ANKS1B: variants seen among roughly 807,000 people sequenced by gnomAD.
The protein encoded by ANKS1B is ankyrin repeat and sterile alpha motif domain-containing protein 1B.
Under a neutral mutation model 148.3 loss-of-function variants are expected in ANKS1B, and 36 were observed. That is an observed-to-expected ratio of 0.24 (90% CI 0.19 to 0.32). The LOEUF (loss-of-function observed/expected upper bound fraction) is 0.32. Among genes scored for constraint, ANKS1B ranks in the 10% least tolerant of loss-of-function variants. The pLI is 1.00. For missense variants in ANKS1B, 1,157 were observed against 1,542.6 expected, an observed-to-expected ratio of 0.75 and a Z score of 4.19; for synonymous variants, 542 against 560.8, an observed-to-expected ratio of 0.97 and a Z score of 0.47.
At chr12:99,333,019 A>G (rs1336808154) in intron 12 of ANKS1B, among the ~76,000 whole-genome samples, 5 of 152,092 alleles carry the variant, frequency 3.3e-5, no homozygotes, top group Non-Finnish European at 7.4e-5. Flanking sequence ...AAGGTTTTCC[A>G]GTAAGGCAAT....
intron 1 of ANKS1B, among the ~76,000 whole-genome samples, chr12:99,852,575 G>A (rs952028770): frequency 6.6e-6 from 1 of 152,184 alleles, no homozygotes; most frequent in South Asian, 2.1e-4. Flanking sequence ...GAGAAAAACA[G>A]GAGAAAAAAT....
At chr12:99,484,373 G>A (rs924164528) in intron 10 of ANKS1B, among the ~76,000 whole-genome samples, 3 of 151,658 alleles carry the variant, frequency 2.0e-5, no homozygotes, top group Admixed American at 6.6e-5. Context: ...TTATGATTTC[G>A]ATTTTTAAAA....
chr12:99,246,748 G>A lies in ANKS1B; in HGVS notation c.1873C>T (p.Leu625Phe), dbSNP rs768853377. Residue 625 changes from leucine to phenylalanine, a missense_variant, in exon 13 of 27, where the codon CTC becomes TTC. Coordinates refer to ENST00000683438, the MANE Select transcript of ANKS1B (RefSeq NM_001352186.2). ...TCACATTGTTCTCTTTTCCCATAGA[G>A]ATGAAATGGATTTTCAGGGGACTCA... The part of the protein sequence containing the change: ...ACESPENPFH[L>F]YGKREQCEKG... 2.5e-6 allele frequency: 4 copies of A among 1,613,832 alleles called. No homozygotes were observed. Among genetic ancestry groups the A allele is most frequent in the Admixed American group, 1.7e-5 (1 of 59,990 alleles).
chr12:99,154,377 T>C lies in ANKS1B; in HGVS notation c.2438A>G (p.Gln813Arg). ...GETTRPRCPV[Q>R]TVGQWLESIG... ...GCTTTCCAACCATTGTCCCACTGTT[T>C]GGACAGGGCATCTGGGTCCTGTAAG... is the stretch of plus-strand genomic sequence containing the variant. The change falls in exon 15 of 27, where the codon CAA becomes CGA. Residue 813 changes from glutamine to arginine, a missense_variant. Physicochemically the swap from Gln to Arg is conservative, Grantham distance 43. This residue lies in a region of ANKS1B where 258 missense variants were observed against 497.0 expected (regional missense o/e 0.52). Coordinates refer to ENST00000683438, the MANE Select transcript of ANKS1B (RefSeq NM_001352186.2). 1 of 1,613,776 alleles carries C rather than the reference T, an allele frequency of 6.2e-7. No individual in the cohort carries two copies. Among genetic ancestry groups the C allele is most frequent in the Non-Finnish European group, 8.5e-7 (1 of 1,179,744 alleles).
At chr12:99,433,544 A>G (rs2095413228) in intron 11 of ANKS1B, among the ~76,000 whole-genome samples, 1 of 152,136 alleles carries the variant, frequency 6.6e-6, no homozygotes, top group South Asian at 2.1e-4. Context: ...GATGGAATGG[A>G]TCTGAGGTGT....
intron 9 of ANKS1B, among the ~76,000 whole-genome samples, chr12:99,527,290 A>G (rs1438751513): frequency 1.3e-5 from 2 of 152,238 alleles, no homozygotes; most frequent in African/African-American, 4.8e-5. Context: ...GGAAAAAAAT[A>G]ACAATTAGGG....
intron 9 of ANKS1B, among the ~76,000 whole-genome samples, chr12:99,590,466 A>T (rs2097691751): frequency 1.3e-5 from 2 of 152,106 alleles, no homozygotes; most frequent in African/African-American, 4.8e-5. Context: ...GATGGTAGAG[A>T]TCCTATTTCT....
At chr12:99,176,007 C>T (rs146927176) in intron 14 of ANKS1B, among the ~76,000 whole-genome samples, 36 of 152,126 alleles carry the variant, frequency 2.4e-4, no homozygotes, top group Middle Eastern at 3.4e-3. Flanking sequence ...TCACCATGCC[C>T]GGCTAATTTT....
intron 1 of ANKS1B, among the ~76,000 whole-genome samples, chr12:99,961,978 T>C (rs2095418045): frequency 6.6e-6 from 1 of 152,210 alleles, no homozygotes; most frequent in African/African-American, 2.4e-5. Flanking sequence ...GAAAACAAGA[T>C]GTTAAGAAAA....
At chr12:98,807,763 T>G in intron 20 of ANKS1B, 81 bp downstream of exon 20, 2 of 1,200,366 alleles carry the variant, frequency 1.7e-6, no homozygotes, top group Non-Finnish European at 2.4e-6. Context: ...CAGGACACAG[T>G]ACCTATAGCT....
chr12:99,399,560 C>G (rs2094347623), intron 12 of ANKS1B, 71 bp downstream of exon 12: 1 of 1,518,902 alleles, frequency 6.6e-7, no homozygotes, highest in Non-Finnish European at 9.0e-7. Flanking sequence ...AAGACTCCTC[C>G]TAATTCCTCT....
intron 12 of ANKS1B, among the ~76,000 whole-genome samples, chr12:99,331,643 G>A (rs1324377031): frequency 6.6e-6 from 1 of 151,938 alleles, no homozygotes; most frequent in African/African-American, 2.4e-5. Flanking sequence ...CCTTTGTAGG[G>A]GTGAATGTGG....
intron 17 of ANKS1B, among the ~76,000 whole-genome samples, chr12:98,882,915 T>G (rs1234283534): frequency 6.6e-6 from 1 of 152,182 alleles, no homozygotes; most frequent in Non-Finnish European, 1.5e-5. Flanking sequence ...TAATGAAAAC[T>G]GTAAAGATTT....
chr12:98,764,032 G>A (rs1268129960), intron 25 of ANKS1B, among the ~76,000 whole-genome samples: 1 of 152,176 alleles, frequency 6.6e-6, no homozygotes, highest in Non-Finnish European at 1.5e-5. Context: ...ACAGCCTAAG[G>A]TGGCTGGCCA....
intron 25 of ANKS1B, among the ~76,000 whole-genome samples, chr12:98,763,587 G>A (rs533151290): frequency 6.6e-6 from 1 of 152,228 alleles, no homozygotes; most frequent in African/African-American, 2.4e-5. Flanking sequence ...ATAAAATTCA[G>A]CTGTGAAATT....
chr12:98,958,917 T>C (rs901546766), intron 17 of ANKS1B, among the ~76,000 whole-genome samples: 2 of 152,342 alleles, frequency 1.3e-5, no homozygotes, highest in Admixed American at 1.3e-4. Flanking sequence ...AGGGAGACTA[T>C]CTTGATTATG....
intron 9 of ANKS1B, among the ~76,000 whole-genome samples, chr12:99,510,192 T>C (rs1254042365): frequency 6.6e-6 from 1 of 152,070 alleles, no homozygotes; most frequent in Non-Finnish European, 1.5e-5. Context: ...GTTGTTTTCA[T>C]GACTGTTAAC....
intron 15 of ANKS1B, among the ~76,000 whole-genome samples, chr12:99,143,027 T>G (rs1017083643): frequency 7.2e-5 from 11 of 152,150 alleles, no homozygotes; most frequent in Admixed American, 2.0e-4. Flanking sequence ...TTCTGTCAAA[T>G]AAACTTGAGA....
chr12:99,951,008 C>T (rs1007147624), intron 1 of ANKS1B, among the ~76,000 whole-genome samples: 1 of 152,120 alleles, frequency 6.6e-6, no homozygotes, highest in Non-Finnish European at 1.5e-5. Flanking sequence ...TACTTTCAGC[C>T]GGATAGAGAA....
Sources: gnomAD v4.1 joint callset for allele counts (sites outside exome capture counted in the v4.1 genomes callset) on GRCh38, gnomAD v4.1.1 for gene constraint, gnomAD v4.1.1 regional missense constraint, MANE v1.5 for transcripts, NCBI Gene and HGNC (gene_info 2026-07-23, HGNC 2026-07-21) for gene names.